The following AGL variants were observed in gnomAD, a reference collection of about 807,000 sequenced individuals.
AGL encodes amylo-alpha-1,6-glucosidase and 4-alpha-glucanotransferase, also known as glycogen debranching enzyme.
AGL carries 128 observed loss-of-function variants against 199.3 expected under a neutral mutation model. That is an observed-to-expected ratio of 0.64 (90% CI 0.56 to 0.74). The LOEUF is 0.74. Among genes scored for constraint, AGL ranks in the 30% least tolerant of loss-of-function variants. The pLI is 0.00. For missense variants in AGL, 1,809 were observed against 1,820.8 expected (o/e 0.99, Z 0.12); for synonymous variants, 584 against 594.7 (o/e 0.98, Z 0.26).
upstream of AGL, among the ~76,000 whole-genome samples, chr1:99,849,582 A>T (rs1326747964): frequency 6.6e-6 from 1 of 152,110 alleles, no homozygotes; most frequent in African/African-American, 2.4e-5. Flanking sequence ...TGGTTTGCAG[A>T]CTGGCCACAC....
In AGL at chr1:99,881,282, C is replaced by T. The variant is rs760782086; in HGVS notation, c.2002-10C>T. 2 of 1,613,922 alleles carry T rather than the reference C, an allele frequency of 1.2e-6. No individual in the cohort carries two copies. The highest frequency in any genetic ancestry group is 2.2e-5 in the South Asian group (2 of 91,048). ...AAGATGTATCCATGCTAAATTTTACCTTTGTCCAGATTTCAGTGGTTTCTG... is the reference window on the plus strand; with the variant it reads ...AAGATGTATCCATGCTAAATTTTACTTTTGTCCAGATTTCAGTGGTTTCTG... On this transcript the variant is annotated splice_polypyrimidine_tract_variant and intron_variant, in intron 15 of 33. Transcript: ENST00000361915.
At chr1:99,874,520 C>T (rs1571251521) in intron 7 of AGL, 167 bp from the exon 8 acceptor site, 18 of 673,960 alleles carry the variant, frequency 2.7e-5, no homozygotes, top group South Asian at 2.1e-4. Flanking sequence ...CGTGCACACA[C>T]GTGCACACAG....
At chr1:99,863,557 A>C (rs1571230547) in intron 4 of AGL, among the ~76,000 whole-genome samples, 1 of 151,938 alleles carries the variant, frequency 6.6e-6, no homozygotes, top group African/African-American at 2.4e-5. Context: ...GGTTCACACC[A>C]TTCTTCTGCC....
At chr1:99,866,342 A>T (rs1027739809) in intron 5 of AGL, among the ~76,000 whole-genome samples, 1 of 152,216 alleles carries the variant, frequency 6.6e-6, no homozygotes, top group African/African-American at 2.4e-5. Context: ...CTAGGATGGT[A>T]GTTCAGTGGT....
At position 99,851,047 on chromosome 1, in the gene AGL, G is replaced by A. The variant is rs778848880; in HGVS notation, c.5G>A (p.Gly2Glu). The A allele has an allele frequency of 6.2e-7, 1 of 1,613,722 alleles. No homozygotes were observed. Among genetic ancestry groups the A allele is most frequent in the Non-Finnish European group, 8.5e-7 (1 of 1,179,688 alleles). ...TCAAATCCTCTAGAAGCCAAAATGG[G>A]ACACAGTAAACAGATTCGAATTTTA... M[G>E]HSKQIRILLL... Residue 2 changes from glycine (G) to glutamate (E), a missense_variant, in exon 2 of 34, where the codon GGA (glycine) becomes GAA (glutamate). By Grantham distance (98) the Gly-to-Glu change is moderately conservative (BLOSUM62 -2). Transcript: ENST00000361915.
intron 27 of AGL, among the ~76,000 whole-genome samples, chr1:99,907,203 G>T (rs1654354519): frequency 6.6e-6 from 1 of 151,948 alleles, no homozygotes; most frequent in Non-Finnish European, 1.5e-5. Context: ...TTTTTAATTG[G>T]TTTTTGATTT....
intron 31 of AGL, 97 bp from the exon 32 acceptor site, chr1:99,916,313 G>T (rs2296885): frequency 1.0e-6 from 1 of 953,984 alleles, no homozygotes; most frequent in Middle Eastern, 3.1e-4. Context: ...CAAAATAATT[G>T]ATTATTTCTC....
intron 2 of AGL, among the ~76,000 whole-genome samples, chr1:99,860,819 A>G (rs1252079558): frequency 6.6e-6 from 1 of 152,168 alleles, no homozygotes; most frequent in Non-Finnish European, 1.5e-5. Flanking sequence ...AAGATTGCCC[A>G]TGTCGGGATT....
At chr1:99,914,769 G>T (rs773930929) in intron 30 of AGL, among the ~76,000 whole-genome samples, 1 of 152,134 alleles carries the variant, frequency 6.6e-6, no homozygotes, top group African/African-American at 2.4e-5. Flanking sequence ...GCTGAAGAAT[G>T]AGTTACATAA....
intron 17 of AGL, among the ~76,000 whole-genome samples, chr1:99,883,633 T>A (rs114208089): frequency 0.026 from 3,959 of 152,232 alleles, 82 homozygotes; most frequent in Middle Eastern, 0.095. Flanking sequence ...TAATATATGT[T>A]GTTTAAGGAA....
Position 99,888,013 on chromosome 1 carries a change from A to T in AGL, c.2717A>T (p.Gln906Leu). 6.2e-7 allele frequency: 1 copy of T among 1,613,568 alleles called. No homozygotes were observed. Among genetic ancestry groups the T allele is most frequent in the Non-Finnish European group, 8.5e-7 (1 of 1,179,648 alleles). Residue 906 changes from glutamine (Q) to leucine (L), a missense_variant, in exon 21 of 34, where the codon CAG becomes CTG. Transcript: ENST00000361915. ...AGATTAACTTTGGCTGAGCTAAATC[A>T]GATCCTTTACCGATGTGAATCAGAA... ...ASRLTLAELN[Q>L]ILYRCESEEK...
At chr1:99,852,351 C>CTTTTTT (rs11363065) in intron 2 of AGL, among the ~76,000 whole-genome samples, 13 of 97,530 alleles carry the variant, frequency 1.3e-4, no homozygotes, top group South Asian at 3.6e-4. Context: ...GCATTCATTT[C>CTTTTTT]TTTTTTTTTT....
chr1:99,896,333 A>G lies in AGL; in HGVS notation c.3307A>G (p.Thr1103Ala). The stretch of plus-strand genomic sequence containing the variant: ...TATTTTCCGCTGCTGGGGAAGGGAT[A>G]CTTTTATTGCACTTAGAGGTATACT... Reference protein sequence around the residue: ...SGIFRCWGRDTFIALRGILLI... With the variant: ...SGIFRCWGRDAFIALRGILLI... Residue 1103 changes from threonine (T) to alanine (A), a missense_variant, in exon 25 of 34, where the codon ACT (threonine) becomes GCT (alanine). Transcript: ENST00000361915. 1 of 1,614,014 alleles carries G rather than the reference A, an allele frequency of 6.2e-7. No individual in the cohort carries two copies.
chr1:99,881,763 T>C lies in AGL; in HGVS notation c.2308+72T>C, dbSNP rs878959761. On this transcript the variant is annotated intron_variant, in intron 17 of 33. Transcript: ENST00000361915. ...ATTAAATTATACTGTAATGTTATGG[T>C]TATATATCATGTATATATCATATAT... The C allele has an allele frequency of 1.3e-5, 16 of 1,264,124 alleles. No homozygotes were observed. In the South Asian group the frequency reaches 2.3e-4, roughly 18 times the overall value. 78.3% of individuals were successfully genotyped at this position (1,264,124 alleles called of 1,614,324 possible). A position where few individuals can be genotyped will look rare whatever the true frequency, so the allele number is the denominator to read the frequency against.
chr1:99,919,619 A>G (rs1655378404), intron 33 of AGL, among the ~76,000 whole-genome samples: 2 of 152,138 alleles, frequency 1.3e-5, no homozygotes, highest in Admixed American at 1.3e-4. Context: ...CTTCATCTCA[A>G]TGTATCCTGT....
chr1:99,891,184 C>G, intron 21 of AGL, 36 bp from the exon 22 acceptor site: 1 of 1,612,550 alleles, frequency 6.2e-7, no homozygotes, highest in Non-Finnish European at 8.5e-7. Context: ...ATTGATGCTA[C>G]CAATAATACA....
intron 24 of AGL, 28 bp from the exon 25 acceptor site, chr1:99,896,256 CAT>C: frequency 6.6e-7 from 1 of 1,520,626 alleles, no homozygotes; most frequent in East Asian, 2.3e-5. Flanking sequence ...TTATGATTAA[CAT>C]ATTACTTTGT....
chr1:99,922,765 CATT>C lies in AGL; in HGVS notation c.*1117_*1119del, dbSNP rs1655599026. 6.6e-6 allele frequency: 1 copy of C among 151,916 alleles called. No homozygotes were observed. The highest frequency in any genetic ancestry group is 1.5e-5 in the Non-Finnish European group (1 of 67,896). The allele number at this position is 151,916 out of a possible 1,614,324, so 9.4% of individuals were successfully genotyped here. A position where few individuals can be genotyped will look rare whatever the true frequency, so the allele number is the denominator to read the frequency against. On this transcript the variant is annotated 3_prime_UTR_variant, in exon 34 of 34. Coordinates refer to ENST00000361915, the MANE Select transcript of AGL (RefSeq NM_000642.3). ...TGTTTTCTTAAGAAAACAGTTAAATCATTATGCATTCAGTTGGAAGAAAGTAGT... is the reference window on the plus strand; with the variant it reads ...TGTTTTCTTAAGAAAACAGTTAAATCATGCATTCAGTTGGAAGAAAGTAGT...
upstream of AGL, among the ~76,000 whole-genome samples, chr1:99,849,418 CCTCAGGCATTAAATCTCCTTAAGCAT>C (rs1648730692): frequency 3.3e-5 from 5 of 152,250 alleles, no homozygotes; most frequent in South Asian, 1.0e-3. Flanking sequence ...TTTCCTTTAC[CCTCAGGCATTAAATCTCCTTAAGCAT>C]CTGCAAAAAG....
Sources: allele counts gnomAD v4.1 joint callset (sites outside exome capture counted in the v4.1 genomes callset), GRCh38; gene constraint gnomAD v4.1.1; transcripts MANE v1.5; gene names NCBI Gene and HGNC (gene_info 2026-07-23, HGNC 2026-07-21).